The following CTNNA3 variants were observed in gnomAD, a reference collection of about 807,000 sequenced individuals.
CTNNA3 encodes catenin alpha 3.
In CTNNA3, 76 loss-of-function variants were observed where a neutral mutation model predicts 95.7. The ratio of observed to expected loss-of-function variants is 0.79; its 90% CI spans 0.66 to 0.96. The LOEUF (loss-of-function observed/expected upper bound fraction) is 0.96, where lower values mean the gene tolerates loss of function less well. Ranked by LOEUF, CTNNA3 falls within the 40% of genes least tolerant of loss-of-function variation. The pLI is 0.00. For missense variants in CTNNA3, 1,191 were observed against 1,089.8 expected (o/e 1.09, Z -1.31); for synonymous variants, 431 against 374.4 (o/e 1.15, Z -1.74).
At chr10:66,977,006 A>C (rs2132855623) in intron 7 of CTNNA3, among the ~76,000 whole-genome samples, 1 of 152,286 alleles carries the variant, frequency 6.6e-6, no homozygotes, top group African/African-American at 2.4e-5. Flanking sequence ...GTAATTTTAT[A>C]TCTACAAATG....
At chr10:66,733,456 A>T (rs1849029325) in intron 9 of CTNNA3, among the ~76,000 whole-genome samples, 1 of 151,922 alleles carries the variant, frequency 6.6e-6, no homozygotes, top group Non-Finnish European at 1.5e-5. Flanking sequence ...ACACTTTCCT[A>T]GGAGAAGTGT....
intron 1 of CTNNA3, among the ~76,000 whole-genome samples, chr10:67,748,696 T>C (rs933230304): frequency 6.6e-6 from 1 of 152,186 alleles, no homozygotes; most frequent in African/African-American, 2.4e-5. Context: ...CTGCATCAAC[T>C]AGTCTGCAAA....
At chr10:66,713,559 G>A (rs1848360630) in intron 9 of CTNNA3, among the ~76,000 whole-genome samples, 1 of 152,014 alleles carries the variant, frequency 6.6e-6, no homozygotes. Flanking sequence ...CCTACTAATA[G>A]ATTATATCCT....
chr10:66,473,037 C>T (rs1839191226), intron 11 of CTNNA3, among the ~76,000 whole-genome samples: 1 of 152,020 alleles, frequency 6.6e-6, no homozygotes, highest in Non-Finnish European at 1.5e-5. Flanking sequence ...ATTTAATTAA[C>T]ATACAAATTG....
chr10:67,198,199 T>C (rs753662289), intron 6 of CTNNA3, among the ~76,000 whole-genome samples: 2 of 152,184 alleles, frequency 1.3e-5, no homozygotes, highest in Non-Finnish European at 2.9e-5. Context: ...ATTTTCCATA[T>C]GAGATTATGT....
At chr10:66,625,495 C>G (rs1162064608) in intron 9 of CTNNA3, among the ~76,000 whole-genome samples, 1 of 152,068 alleles carries the variant, frequency 6.6e-6, no homozygotes, top group Non-Finnish European at 1.5e-5. Context: ...CTCAAATGAT[C>G]CTCCCACCAC....
chr10:66,491,296 T>C (rs1236467212), intron 11 of CTNNA3, among the ~76,000 whole-genome samples: 4 of 152,180 alleles, frequency 2.6e-5, no homozygotes, highest in East Asian at 3.8e-4. Flanking sequence ...ATAAGGCCTA[T>C]TGCAAACAAA....
intron 7 of CTNNA3, among the ~76,000 whole-genome samples, chr10:67,036,310 C>T (rs1056806577): frequency 3.3e-5 from 5 of 151,604 alleles, no homozygotes; most frequent in Non-Finnish European, 7.4e-5. Context: ...GCTCTTGTTG[C>T]CCAGGCTGGA....
At chr10:67,229,308 G>C (rs999785933) in intron 5 of CTNNA3, among the ~76,000 whole-genome samples, 1 of 152,032 alleles carries the variant, frequency 6.6e-6, no homozygotes, top group Non-Finnish European at 1.5e-5. Flanking sequence ...GGCATACAAG[G>C]GACATACCTC....
intron 7 of CTNNA3, among the ~76,000 whole-genome samples, chr10:67,176,058 A>G (rs773737885): frequency 2.6e-5 from 4 of 152,212 alleles, no homozygotes; most frequent in Non-Finnish European, 4.4e-5. Flanking sequence ...CTAAGTTTTA[A>G]AAGACAAAAG....
chr10:67,056,183 G>A (rs1387703905), intron 7 of CTNNA3, among the ~76,000 whole-genome samples: 1 of 152,118 alleles, frequency 6.6e-6, no homozygotes, highest in Admixed American at 6.6e-5. Context: ...TCACATAAGA[G>A]TTGATTAACT....
rs929835075 is a variant in CTNNA3 at position 67,038,620 on chromosome 10, T to C, written c.1047+141697A>G. 6.6e-5 allele frequency among the ~76,000 whole-genome samples: 10 copies of C among 152,222 alleles called. No individual in the cohort carries two copies. The South Asian group carries it at 1.2e-3, about 19-fold the overall frequency. On this transcript the variant is annotated intron_variant, in intron 7 of 17. Coordinates refer to ENST00000433211, the MANE Select transcript of CTNNA3 (RefSeq NM_013266.4). ...GTGCATAATAGCAGCTAGTATATTT[T>C]TGTTATCTGGTCTTTCAACCAAGTA...
At chr10:66,988,413 T>C (rs1266686029) in intron 7 of CTNNA3, among the ~76,000 whole-genome samples, 3 of 152,194 alleles carry the variant, frequency 2.0e-5, no homozygotes, top group Admixed American at 6.5e-5. Flanking sequence ...ATTACACAAA[T>C]ACTCATCTAA....
chr10:67,436,308 T>C (rs550879197), intron 5 of CTNNA3, among the ~76,000 whole-genome samples: 11 of 152,210 alleles, frequency 7.2e-5, no homozygotes, highest in African/African-American at 2.4e-4. Flanking sequence ...TCTCTCACCT[T>C]ATAAAAAATC....
chr10:67,193,351 AT>A (rs1054116284), intron 6 of CTNNA3, among the ~76,000 whole-genome samples: 59 of 151,938 alleles, frequency 3.9e-4, no homozygotes, highest in Non-Finnish European at 7.1e-4. Context: ...ACTAAACATA[AT>A]TTTCCTAAAC....
intron 7 of CTNNA3, among the ~76,000 whole-genome samples, chr10:67,038,563 G>A (rs1854206775): frequency 6.6e-6 from 1 of 152,030 alleles, no homozygotes; most frequent in South Asian, 2.1e-4. Flanking sequence ...TAAAATCAGT[G>A]GAAGCTCAAT....
intron 7 of CTNNA3, among the ~76,000 whole-genome samples, chr10:66,899,727 C>T: frequency 6.6e-6 from 1 of 152,128 alleles, no homozygotes; most frequent in East Asian, 1.9e-4. Flanking sequence ...AGGTACCACG[C>T]CCATAGAGCC....
intron 10 of CTNNA3, among the ~76,000 whole-genome samples, chr10:66,545,484 T>C (rs531953829): frequency 8.5e-5 from 13 of 152,220 alleles, no homozygotes; most frequent in Non-Finnish European, 1.3e-4. Context: ...TCTAGGAAAT[T>C]ACAATTAATG....
chr10:67,437,662 TAGTA>T (rs1184354211), intron 5 of CTNNA3, among the ~76,000 whole-genome samples: 1 of 152,058 alleles, frequency 6.6e-6, no homozygotes, highest in Non-Finnish European at 1.5e-5. Context: ...ATCAATTTCT[TAGTA>T]AGAAAAAAAG....
Sources: gnomAD v4.1 joint callset for allele counts (sites outside exome capture counted in the v4.1 genomes callset) on GRCh38, gnomAD v4.1.1 for gene constraint, MANE v1.5 for transcripts, NCBI Gene and HGNC (gene_info 2026-07-23, HGNC 2026-07-21) for gene names.